Variants in TMPRSS15 observed in about 807,000 individuals in gnomAD.
TMPRSS15 encodes the protein transmembrane serine protease 15, also known as enteropeptidase.
In TMPRSS15, 128 loss-of-function variants were observed where a neutral mutation model predicts 125.3. The observed-to-expected ratio is 1.02, with a 90% CI of 0.89 to 1.18. The LOEUF (loss-of-function observed/expected upper bound fraction) is 1.18, where lower values mean the gene tolerates loss of function less well. TMPRSS15 is among the 50% of genes most tolerant of loss of function. The pLI, the probability that TMPRSS15 is intolerant of heterozygous loss-of-function variation, is 0.00. For missense variants in TMPRSS15, 1,283 were observed against 1,212.7 expected (o/e 1.06, Z -0.86); for synonymous variants, 446 against 423.2 (o/e 1.05, Z -0.66).
At chr21:18,339,487 A>G (rs2146982219) in intron 13 of TMPRSS15, among the ~76,000 whole-genome samples, 1 of 152,310 alleles carries the variant, frequency 6.6e-6, no homozygotes, top group Non-Finnish European at 1.5e-5. Context: ...AGTAAACCAA[A>G]TTTGGATAGG....
At chr21:18,288,128 T>C (rs1158064900) in intron 21 of TMPRSS15, among the ~76,000 whole-genome samples, 4 of 152,172 alleles carry the variant, frequency 2.6e-5, no homozygotes, top group African/African-American at 9.7e-5. Flanking sequence ...GTGGTATATA[T>C]ATGCAATGAA....
intron 1 of TMPRSS15, among the ~76,000 whole-genome samples, chr21:18,459,873 A>T (rs1978519645): frequency 6.6e-6 from 1 of 152,158 alleles, no homozygotes; most frequent in East Asian, 1.9e-4. Flanking sequence ...GAAGTTTTGT[A>T]ATTTTCAGTG....
chr21:18,429,032 C>A (rs1276010909), intron 1 of TMPRSS15, among the ~76,000 whole-genome samples: 2 of 152,202 alleles, frequency 1.3e-5, no homozygotes, highest in African/African-American at 4.8e-5. Flanking sequence ...ACCATGGGAA[C>A]CCACCTCTTG....
intron 3 of TMPRSS15, among the ~76,000 whole-genome samples, chr21:18,396,810 C>CTGTCTGTCTATT (rs1263733534): frequency 2.1e-5 from 3 of 141,132 alleles, no homozygotes; most frequent in African/African-American, 8.0e-5. Flanking sequence ...GTCTGTCTGT[C>CTGTCTGTCTATT]TATCTATCTA....
At chr21:18,355,523 G>A (rs2075616666) in intron 8 of TMPRSS15, among the ~76,000 whole-genome samples, 1 of 151,736 alleles carries the variant, frequency 6.6e-6, no homozygotes, top group South Asian at 2.1e-4. Flanking sequence ...TGCCTAATAA[G>A]AGTCCCAGGA....
chr21:18,398,961 A>G (rs1569057140), intron 1 of TMPRSS15, among the ~76,000 whole-genome samples: 5 of 152,130 alleles, frequency 3.3e-5, no homozygotes, highest in Admixed American at 1.3e-4. Flanking sequence ...ACTAGGAAAA[A>G]AAAATGTAAA....
Position 18,280,254 on chromosome 21 carries a change from ATAATAT to A in TMPRSS15, c.2668+780_2668+785del, listed in dbSNP as rs545332161. Among the ~76,000 whole-genome samples, 247 of 152,230 alleles carry A rather than the reference ATAATAT, an allele frequency of 1.6e-3. 2 individuals carry two copies. The highest frequency in any genetic ancestry group is 5.7e-3 in the African/African-American group (238 of 41,530). Reference sequence around the variant, plus strand: ...AGGAAGTCCTTCATTTGTCACTCAGATAATATTATCGAATCTCCATTAAAAACTTCA... The same window carrying A: ...AGGAAGTCCTTCATTTGTCACTCAGATATCGAATCTCCATTAAAAACTTCA... On this transcript the variant is annotated intron_variant, in intron 22 of 24. Transcript: ENST00000284885.
At chr21:18,314,001 A>T (rs1396422073) in intron 17 of TMPRSS15, among the ~76,000 whole-genome samples, 1 of 152,170 alleles carries the variant, frequency 6.6e-6, no homozygotes, top group Non-Finnish European at 1.5e-5. Context: ...TAAGGCCATT[A>T]GTGGCCAGGT....
At chr21:18,476,691 A>G (rs1568738004) in intron 1 of TMPRSS15, among the ~76,000 whole-genome samples, 1 of 152,170 alleles carries the variant, frequency 6.6e-6, no homozygotes, top group Non-Finnish European at 1.5e-5. Flanking sequence ...CTGTGGGTTT[A>G]CAGGACCTAA....
intron 5 of TMPRSS15, 27 bp from the exon 6 acceptor site, chr21:18,372,351 C>T: frequency 6.2e-7 from 1 of 1,607,564 alleles, no homozygotes; most frequent in Admixed American, 1.7e-5. Context: ...AAATTAATTT[C>T]CAATTGATGA....
intron 1 of TMPRSS15, among the ~76,000 whole-genome samples, chr21:18,474,295 ATTTTT>A (rs67852303): frequency 4.1e-5 from 6 of 144,816 alleles, no homozygotes; most frequent in African/African-American, 1.5e-4. Context: ...ACATTTTGCT[ATTTTT>A]TTTTTTTGAG....
At chr21:18,281,990 C>CG (rs1471321734) in intron 21 of TMPRSS15, among the ~76,000 whole-genome samples, 1 of 143,940 alleles carries the variant, frequency 6.9e-6, no homozygotes, top group Non-Finnish European at 1.5e-5. Context: ...CCAGCTACTT[C>CG]GGGGGGCAGA....
chr21:18,356,313 C>T (rs2075624156), intron 8 of TMPRSS15, among the ~76,000 whole-genome samples: 1 of 151,666 alleles, frequency 6.6e-6, no homozygotes, highest in African/African-American at 2.4e-5. Context: ...TTATATTATC[C>T]AATTTATAAG....
intron 6 of TMPRSS15, among the ~76,000 whole-genome samples, chr21:18,368,774 A>G (rs916226601): frequency 1.3e-5 from 2 of 152,208 alleles, no homozygotes; most frequent in Non-Finnish European, 2.9e-5. Flanking sequence ...CAATTCCTGC[A>G]TTCAAGCAAA....
Position 18,329,461 on chromosome 21 carries a change from TTG to T in TMPRSS15, c.1655-169_1655-168del, listed in dbSNP as rs199548953. 3.0e-3 allele frequency among the ~76,000 whole-genome samples: 367 copies of T among 123,740 alleles called. 1 individual carries two copies. The Middle Eastern group carries it at 0.034, about 11-fold the overall frequency. 81.2% of individuals were successfully genotyped at this position (123,740 alleles called of 152,430 possible). ...CTTTTTTCTTTTCATTATTTTTTTT[TTG>T]GTAAGAAAATATATTGGTTTAGTCA... On this transcript the variant is annotated intron_variant, in intron 14 of 24. Coordinates refer to ENST00000284885, the MANE Select transcript of TMPRSS15 (RefSeq NM_002772.3).
chr21:18,380,734 T>C (rs2123045833), intron 4 of TMPRSS15: 3 of 325,122 alleles, frequency 9.2e-6, no homozygotes, highest in South Asian at 2.6e-5. Flanking sequence ...TCCTATTCAT[T>C]ATTTGGTTGT....
chr21:18,310,930 A>C (rs1467723967), intron 18 of TMPRSS15, among the ~76,000 whole-genome samples: 1 of 91,892 alleles, frequency 1.1e-5, no homozygotes, highest in African/African-American at 3.8e-5. Context: ...CAGCCCACTG[A>C]TTCTTTTTTT....
chr21:18,370,812 G>A (rs2075784897), intron 6 of TMPRSS15, among the ~76,000 whole-genome samples: 1 of 152,066 alleles, frequency 6.6e-6, no homozygotes, highest in Admixed American at 6.6e-5. Flanking sequence ...TTTAAAATGT[G>A]TACTAAGTGG....
chr21:18,417,341 T>C (rs2076182692), intron 1 of TMPRSS15, among the ~76,000 whole-genome samples: 3 of 152,198 alleles, frequency 2.0e-5, no homozygotes, highest in South Asian at 4.1e-4. Flanking sequence ...CTCTCTTATA[T>C]AAAACATTCT....
Sources: allele counts gnomAD v4.1 joint callset (sites outside exome capture counted in the v4.1 genomes callset), GRCh38; gene constraint gnomAD v4.1.1; transcripts MANE v1.5; gene names NCBI Gene and HGNC (gene_info 2026-07-23, HGNC 2026-07-21).